Variants in RIT2 observed in about 807,000 individuals in gnomAD.
RIT2 encodes the protein Ras like without CAAX 2, also known as GTP-binding protein Rit2.
Under a neutral mutation model 23.7 loss-of-function variants are expected in RIT2, and 24 were observed. That is an observed-to-expected ratio of 1.01 (90% CI 0.73 to 1.43). The LOEUF (loss-of-function observed/expected upper bound fraction) is 1.43, where lower values mean the gene tolerates loss of function less well. Among genes scored for constraint, RIT2 ranks in the 40% most tolerant of loss-of-function variants. The pLI is 0.00. For synonymous variants in RIT2, 107 were observed against 91.1 expected, an observed-to-expected ratio of 1.17 and a Z score of -0.99; for missense variants, 236 against 266.9, an observed-to-expected ratio of 0.88 and a Z score of 0.81.
chr18:42,991,700 T>C (rs957830866), intron 2 of RIT2, among the ~76,000 whole-genome samples: 1 of 152,096 alleles, frequency 6.6e-6, no homozygotes, highest in Non-Finnish European at 1.5e-5. Context: ...CATTATCTTG[T>C]GAAATTCCTT....
chr18:43,110,498 G>C (rs1913928854), intron 1 of RIT2, among the ~76,000 whole-genome samples: 1 of 152,066 alleles, frequency 6.6e-6, no homozygotes. Flanking sequence ...CAGTGACAAA[G>C]GTCAATATTT....
intron 4 of RIT2, among the ~76,000 whole-genome samples, chr18:42,866,488 C>A (rs893211008): frequency 6.6e-6 from 1 of 152,192 alleles, no homozygotes; most frequent in East Asian, 1.9e-4. Context: ...ACTCTCTGAT[C>A]TATCTCTCCC....
chr18:43,073,486 C>T (rs1457493869), intron 1 of RIT2, among the ~76,000 whole-genome samples: 2 of 152,158 alleles, frequency 1.3e-5, no homozygotes, highest in East Asian at 3.9e-4. Flanking sequence ...TAGCTCCAAA[C>T]ATATATTTAC....
chr18:43,087,742 T>C (rs922419539), intron 1 of RIT2, among the ~76,000 whole-genome samples: 15 of 152,190 alleles, frequency 9.9e-5, no homozygotes, highest in Non-Finnish European at 1.8e-4. Flanking sequence ...GTCATAAGTT[T>C]ATTGAACAAT....
intron 4 of RIT2, among the ~76,000 whole-genome samples, chr18:42,816,452 A>T (rs555132137): frequency 6.6e-6 from 1 of 152,294 alleles, no homozygotes; most frequent in East Asian, 1.9e-4. Context: ...GATAAGTAAA[A>T]TGCAACACTG....
intron 1 of RIT2, among the ~76,000 whole-genome samples, chr18:43,047,531 T>C (rs778555161): frequency 6.6e-6 from 1 of 152,152 alleles, no homozygotes; most frequent in Non-Finnish European, 1.5e-5. Context: ...TACTTAAATG[T>C]AATGCTTGCA....
At chr18:43,034,165 G>C (rs1480676583) in intron 1 of RIT2, among the ~76,000 whole-genome samples, 1 of 152,114 alleles carries the variant, frequency 6.6e-6, no homozygotes, top group Non-Finnish European at 1.5e-5. Context: ...ATGTAAACCA[G>C]TTACAGAATC....
intron 4 of RIT2, among the ~76,000 whole-genome samples, chr18:42,870,069 A>G (rs981792154): frequency 6.6e-6 from 1 of 152,158 alleles, no homozygotes; most frequent in Non-Finnish European, 1.5e-5. Flanking sequence ...AACACACACT[A>G]ACCTAACTTT....
chr18:42,864,230 A>T (rs1360880827), intron 4 of RIT2, among the ~76,000 whole-genome samples: 2 of 152,196 alleles, frequency 1.3e-5, no homozygotes, highest in African/African-American at 4.8e-5. Context: ...TGAACCAGGT[A>T]TCAACACTTG....
At chr18:42,831,057 ATGATGTATAAGTCT>A (rs1370845909) in intron 4 of RIT2, among the ~76,000 whole-genome samples, 1 of 152,214 alleles carries the variant, frequency 6.6e-6, no homozygotes, top group Admixed American at 6.5e-5. Context: ...CCTCCTGACC[ATGATGTATAAGTCT>A]AATGATTTTA....
chr18:43,000,909 T>C (rs1313455077), intron 2 of RIT2, among the ~76,000 whole-genome samples: 1 of 151,990 alleles, frequency 6.6e-6, no homozygotes, highest in Non-Finnish European at 1.5e-5. Context: ...TAGAAGTCAA[T>C]GAAGTGAAGT....
At chr18:42,946,494 A>G (rs1461122590) in intron 3 of RIT2, among the ~76,000 whole-genome samples, 2 of 152,070 alleles carry the variant, frequency 1.3e-5, no homozygotes, top group Non-Finnish European at 2.9e-5. Context: ...ATACAGGTAT[A>G]TTTTTAAAAT....
At chr18:42,835,832 G>T (rs1479457901) in intron 4 of RIT2, among the ~76,000 whole-genome samples, 1 of 152,036 alleles carries the variant, frequency 6.6e-6, no homozygotes, top group Non-Finnish European at 1.5e-5. Context: ...TCAGACTGTT[G>T]TTTGCTCAAT....
intron 1 of RIT2, among the ~76,000 whole-genome samples, chr18:43,075,048 TTAAAATAAAA>T (rs529011657): frequency 1.3e-5 from 2 of 152,120 alleles, no homozygotes; most frequent in Non-Finnish European, 2.9e-5. Context: ...ACCCTGGAAC[TTAAAATAAAA>T]TAAAATAAAA....
At chr18:43,061,245 A>AT (rs1912637787) in intron 1 of RIT2, among the ~76,000 whole-genome samples, 1 of 152,110 alleles carries the variant, frequency 6.6e-6, no homozygotes, top group Non-Finnish European at 1.5e-5. Context: ...CATAACATTG[A>AT]TTTTACAATT....
intron 2 of RIT2, among the ~76,000 whole-genome samples, chr18:43,014,018 A>G (rs1911414690): frequency 6.6e-6 from 1 of 151,808 alleles, no homozygotes; most frequent in Admixed American, 6.6e-5. Context: ...CTGCTGGGTA[A>G]GGCTCTGGAA....
chr18:42,854,578 C>T (rs910571214), intron 4 of RIT2, among the ~76,000 whole-genome samples: 8 of 152,210 alleles, frequency 5.3e-5, no homozygotes, highest in African/African-American at 1.9e-4. Flanking sequence ...CTTAACTTGG[C>T]CTTTGGAACC....
At chr18:42,859,775 A>AC (rs1248590378) in intron 4 of RIT2, among the ~76,000 whole-genome samples, 2 of 147,376 alleles carry the variant, frequency 1.4e-5, no homozygotes, top group African/African-American at 5.0e-5. Context: ...GTTCAAGTTA[A>AC]TTTTTTTTTT....
At chr18:42,899,412 G>A (rs1908416990) in intron 4 of RIT2, among the ~76,000 whole-genome samples, 1 of 151,726 alleles carries the variant, frequency 6.6e-6, no homozygotes, top group African/African-American at 2.4e-5. Context: ...TGGCAAGTGA[G>A]TCTTTATTGT....
Sources: allele counts gnomAD v4.1 joint callset (sites outside exome capture counted in the v4.1 genomes callset), GRCh38; gene constraint gnomAD v4.1.1; transcripts MANE v1.5; gene names NCBI Gene and HGNC (gene_info 2026-07-23, HGNC 2026-07-21).